Variants in MGAT4C observed in about 807,000 individuals in gnomAD.
The protein encoded by MGAT4C is MGAT4 family member C.
Under a neutral mutation model 40.1 loss-of-function variants are expected in MGAT4C, and 19 were observed. The ratio of observed to expected loss-of-function variants is 0.47; its 90% CI spans 0.33 to 0.70. The LOEUF (loss-of-function observed/expected upper bound fraction) is 0.70, where lower values mean the gene tolerates loss of function less well. MGAT4C is among the 30% of genes least tolerant of loss of function. MGAT4C has a pLI of 0.02. For missense variants in MGAT4C, 491 were observed against 563.2 expected, an observed-to-expected ratio of 0.87 and a Z score of 1.30; for synonymous variants, 181 against 187.1, an observed-to-expected ratio of 0.97 and a Z score of 0.27.
chr12:86,806,866 G>A (rs867539548), intron 1 of MGAT4C, among the ~76,000 whole-genome samples: 4 of 151,666 alleles, frequency 2.6e-5, no homozygotes, highest in Admixed American at 6.6e-5. Context: ...TGGGGTGGGG[G>A]TAGCGGGGGA....
At chr12:86,551,051 A>G (rs1387138839) in intron 2 of MGAT4C, among the ~76,000 whole-genome samples, 1 of 151,700 alleles carries the variant, frequency 6.6e-6, no homozygotes, top group Non-Finnish European at 1.5e-5. Flanking sequence ...AAGACAGAGC[A>G]CCAATTGACA....
rs138544411 is a variant in MGAT4C, at chr12:86,108,220, C to T, written c.-56-58497G>A. Among the ~76,000 whole-genome samples the T allele has an allele frequency of 5.1e-3, 772 of 152,160 alleles. 4 individuals are homozygous for T. Among genetic ancestry groups the T allele is most frequent in the Middle Eastern group, 0.01 (3 of 294 alleles). On this transcript the variant is annotated intron_variant, in intron 1 of 4. Transcript: ENST00000611864. The stretch of plus-strand genomic sequence containing the variant: ...CAGACAAGCCCCCTAATACCCTCTT[C>T]CTTTGGCATTTAGACACAATGACTG...
intron 1 of MGAT4C, among the ~76,000 whole-genome samples, chr12:86,732,358 G>T (rs573290631): frequency 8.3e-4 from 126 of 152,212 alleles, no homozygotes; most frequent in African/African-American, 2.8e-3. Context: ...GATGTTTCAA[G>T]TGCATTACAT....
Position 85,966,571 on chromosome 12 carries a change from A to G in MGAT4C, c.*12718T>C, listed in dbSNP as rs1232139079. ...TGGGTATATACCCAAAGGATTATAA[A>G]TCATGCTTCTATAAAGACACATGCA... On this transcript the variant is annotated 3_prime_UTR_variant, in exon 5 of 5. Coordinates refer to ENST00000611864, the MANE Select transcript of MGAT4C (RefSeq NM_001351288.2). 1.3e-5 allele frequency: 2 copies of G among 152,316 alleles called. No homozygotes were observed. The highest frequency in any genetic ancestry group is 3.9e-4 in the East Asian group (2 of 5,174). 9.4% of individuals were successfully genotyped at this position (152,316 alleles called of 1,614,324 possible).
chr12:86,490,940 T>G (rs1466738644), intron 2 of MGAT4C, among the ~76,000 whole-genome samples: 1 of 152,052 alleles, frequency 6.6e-6, no homozygotes, highest in Non-Finnish European at 1.5e-5. Context: ...ACAAAGAGAC[T>G]TAGACTCCCA....
In MGAT4C at chr12:85,968,246, G is replaced by C. The variant is rs1883456468; in HGVS notation, c.*11043C>G. The stretch of plus-strand genomic sequence containing the variant: ...TAGTTAATTTTGTGGAAAGAGGAAG[G>C]CAGCTCAGTTTACAAACAGCAGTGG... On this transcript the variant is annotated 3_prime_UTR_variant, in exon 5 of 5. Coordinates refer to ENST00000611864, the MANE Select transcript of MGAT4C (RefSeq NM_001351288.2). 6.6e-6 allele frequency: 1 copy of C among 151,968 alleles called. No homozygotes were observed. Among genetic ancestry groups the C allele is most frequent in the African/African-American group, 2.4e-5 (1 of 41,424 alleles). The allele number at this position is 151,968 out of a possible 1,614,324, so 9.4% of individuals were successfully genotyped here. A position where few individuals can be genotyped will look rare whatever the true frequency, so the allele number is the denominator to read the frequency against.
At chr12:86,703,718 T>C (rs1439232470) in intron 2 of MGAT4C, among the ~76,000 whole-genome samples, 1 of 152,196 alleles carries the variant, frequency 6.6e-6, no homozygotes, top group Non-Finnish European at 1.5e-5. Context: ...CACTTTATTG[T>C]TGTTGTCTGG....
rs560927112 is a variant in MGAT4C, at chr12:86,394,736, C to T, written c.-120+40421G>A. On this transcript the variant is annotated intron_variant, in intron 3 of 7. Transcript: ENST00000548651. Reference sequence around the variant, plus strand: ...TCGGGTTAAAGCAATTCTCCTGCCTCAGCCTCCTGAGTAACTGGGATTACA... The same window carrying T: ...TCGGGTTAAAGCAATTCTCCTGCCTTAGCCTCCTGAGTAACTGGGATTACA... Among the ~76,000 whole-genome samples, 7 of 150,550 alleles carry T rather than the reference C, an allele frequency of 4.6e-5. No individual in the cohort carries two copies. The South Asian group carries it at 1.3e-3, about 27-fold the overall frequency.
At chr12:86,755,300 G>A (rs1951283575) in intron 1 of MGAT4C, among the ~76,000 whole-genome samples, 1 of 152,050 alleles carries the variant, frequency 6.6e-6, no homozygotes, top group African/African-American at 2.4e-5. Context: ...ACAACCATAT[G>A]AGCCACCTCC....
chr12:86,351,728 T>G (rs1443898454), intron 3 of MGAT4C, among the ~76,000 whole-genome samples: 4 of 152,030 alleles, frequency 2.6e-5, no homozygotes, highest in African/African-American at 7.2e-5. Context: ...AATATCTGAC[T>G]GGGGAAATGG....
intron 2 of MGAT4C, among the ~76,000 whole-genome samples, chr12:86,643,214 A>G (rs1963441446): frequency 6.6e-6 from 1 of 151,816 alleles, no homozygotes; most frequent in Non-Finnish European, 1.5e-5. Context: ...CAATAACAGC[A>G]TTAATTTATT....
intron 1 of MGAT4C, among the ~76,000 whole-genome samples, chr12:86,140,849 T>C (rs572799671): frequency 5.3e-5 from 8 of 152,178 alleles, no homozygotes; most frequent in Non-Finnish European, 1.0e-4. Flanking sequence ...GTATAGTTTA[T>C]ATTAATTTTC....
Position 85,961,518 on chromosome 12 carries a change from T to C in MGAT4C, c.*17771A>G, listed in dbSNP as rs1465154137. 1 of 151,758 alleles carries C rather than the reference T, an allele frequency of 6.6e-6. No homozygotes were observed. Among genetic ancestry groups the C allele is most frequent in the Non-Finnish European group, 1.5e-5 (1 of 67,774 alleles). 9.4% of individuals were successfully genotyped at this position (151,758 alleles called of 1,614,324 possible). On this transcript the variant is annotated 3_prime_UTR_variant, in exon 5 of 5. Coordinates refer to ENST00000611864, the MANE Select transcript of MGAT4C (RefSeq NM_001351288.2). ...TGGTATAGTTTCAACTTCTAATCTT[T>C]TATCATCCTCTACCACATAATTCCT...
At chr12:86,280,597 AT>A (rs2136117531) in intron 4 of MGAT4C, among the ~76,000 whole-genome samples, 1 of 151,880 alleles carries the variant, frequency 6.6e-6, no homozygotes, top group South Asian at 2.1e-4. Context: ...TTGCTTTTAA[AT>A]TTCATTATAT....
intron 2 of MGAT4C, among the ~76,000 whole-genome samples, chr12:86,590,018 G>A (rs184867364): frequency 6.6e-6 from 1 of 151,766 alleles, no homozygotes; most frequent in African/African-American, 2.4e-5. Context: ...TTAAGTCCAG[G>A]GAACACTTCG....
intron 1 of MGAT4C, among the ~76,000 whole-genome samples, chr12:86,118,252 C>G (rs373557212): frequency 6.6e-6 from 1 of 152,252 alleles, no homozygotes; most frequent in Non-Finnish European, 1.5e-5. Context: ...AATGGGTACT[C>G]AAGACTTCCA....
chr12:86,142,899 T>C (rs1248695850), intron 1 of MGAT4C, among the ~76,000 whole-genome samples: 2 of 152,090 alleles, frequency 1.3e-5, no homozygotes, highest in African/African-American at 4.8e-5. Flanking sequence ...TTAAGTTAAA[T>C]GAGGTCAGAA....
Position 86,800,631 on chromosome 12 carries a change from A to AT in MGAT4C, c.-262+38034dup, listed in dbSNP as rs1224815185. 1.3e-4 allele frequency among the ~76,000 whole-genome samples: 19 copies of AT among 151,914 alleles called. No individual in the cohort carries two copies. The Admixed American group carries it at 1.3e-3, about 10-fold the overall frequency. ...CTGGTCAGACAATAGGATATTTGAA[A>AT]TGGATATTGCATTTACAATTATTAA... On this transcript the variant is annotated intron_variant, in intron 1 of 7. Transcript: ENST00000548651.
chr12:86,197,916 A>G (rs909823967), intron 1 of MGAT4C, among the ~76,000 whole-genome samples: 8 of 152,190 alleles, frequency 5.3e-5, no homozygotes, highest in African/African-American at 1.7e-4. Flanking sequence ...AGCATAATTT[A>G]TAGCTTAAGA....
Sources: gnomAD v4.1 joint callset for allele counts (sites outside exome capture counted in the v4.1 genomes callset) on GRCh38, gnomAD v4.1.1 for gene constraint, MANE v1.5 for transcripts, NCBI Gene and HGNC (gene_info 2026-07-23, HGNC 2026-07-21) for gene names.